CDH13: variants seen among roughly 807,000 people sequenced by gnomAD.
The protein encoded by CDH13 is cadherin-13.
In CDH13, 24 loss-of-function variants were observed where a neutral mutation model predicts 63.8. The observed-to-expected ratio is 0.38, with a 90% CI of 0.27 to 0.53. The LOEUF (loss-of-function observed/expected upper bound fraction) is 0.53. Ranked by LOEUF, CDH13 falls within the 20% of genes least tolerant of loss-of-function variation. The probability of loss-of-function intolerance (pLI) is 0.85; values close to 1 mark genes in which losing one functional copy is unlikely to be tolerated. For missense variants in CDH13, 1,049 were observed against 903.1 expected (o/e 1.16, Z -2.07); for synonymous variants, 503 against 355.3 (o/e 1.42, Z -4.67).
At chr16:83,410,447 C>G (rs1280109128) in intron 6 of CDH13, among the ~76,000 whole-genome samples, 1 of 152,126 alleles carries the variant, frequency 6.6e-6, no homozygotes, top group Non-Finnish European at 1.5e-5. Flanking sequence ...TGACCACAAT[C>G]TATAGATCAA....
chr16:82,868,950 C>A (rs1457982239), intron 2 of CDH13, among the ~76,000 whole-genome samples: 4 of 152,154 alleles, frequency 2.6e-5, no homozygotes, highest in African/African-American at 9.7e-5. Context: ...GTTTTATTTT[C>A]TCATCTGGAA....
At chr16:83,764,396 T>A (rs569852294) in intron 11 of CDH13, among the ~76,000 whole-genome samples, 28 of 152,326 alleles carry the variant, frequency 1.8e-4, no homozygotes, top group Middle Eastern at 6.8e-3. Flanking sequence ...ATCAGGCAAA[T>A]CAACTATCTT....
Position 82,673,833 on chromosome 16 carries a change from A to T in CDH13, c.45+46696A>T, listed in dbSNP as rs375710772. ...AGCTCATCCATGTGGAAGTGTTAGC[A>T]ACAGAGGCAACTGTATGGGCAGCAA... On this transcript the variant is annotated intron_variant, in intron 1 of 13. Coordinates refer to ENST00000567109, the MANE Select transcript of CDH13 (RefSeq NM_001257.5). Among the ~76,000 whole-genome samples the T allele has an allele frequency of 5.3e-5, 8 of 152,318 alleles. No homozygotes were observed. In the East Asian group the frequency reaches 1.3e-3, roughly 26 times the overall value.
chr16:83,199,038 G>C (rs901783656), intron 4 of CDH13, among the ~76,000 whole-genome samples: 1 of 152,216 alleles, frequency 6.6e-6, no homozygotes, highest in East Asian at 1.9e-4. Flanking sequence ...TGGGAGAAAA[G>C]ACGAGGCAGG....
At chr16:83,222,138 C>T (rs1412897781) in intron 5 of CDH13, among the ~76,000 whole-genome samples, 1 of 152,158 alleles carries the variant, frequency 6.6e-6, no homozygotes, top group Non-Finnish European at 1.5e-5. Flanking sequence ...ACTGGAACCA[C>T]CTGTGTTCCT....
chr16:83,207,120 T>C (rs1043557491), intron 4 of CDH13, among the ~76,000 whole-genome samples: 2 of 152,222 alleles, frequency 1.3e-5, no homozygotes, highest in East Asian at 1.9e-4. Context: ...TTAATTGTGG[T>C]AAAATGTACA....
At chr16:83,324,203 AT>A (rs1187199543) in intron 5 of CDH13, among the ~76,000 whole-genome samples, 1 of 151,794 alleles carries the variant, frequency 6.6e-6, no homozygotes, top group Non-Finnish European at 1.5e-5. Flanking sequence ...TGCCCAACTA[AT>A]TTTTGTGTTT....
intron 7 of CDH13, among the ~76,000 whole-genome samples, chr16:83,593,450 T>C (rs1218547238): frequency 6.6e-6 from 1 of 152,100 alleles, no homozygotes; most frequent in Non-Finnish European, 1.5e-5. Context: ...TCTGGGTAGC[T>C]TGAAATCAGC....
chr16:83,489,657 C>G (rs1366547878), intron 7 of CDH13, among the ~76,000 whole-genome samples: 1 of 152,182 alleles, frequency 6.6e-6, no homozygotes, highest in Non-Finnish European at 1.5e-5. Flanking sequence ...TGAGACTTGG[C>G]ACTTTTTGTA....
intron 5 of CDH13, among the ~76,000 whole-genome samples, chr16:83,245,670 GC>G (rs1904919307): frequency 6.6e-6 from 1 of 152,232 alleles, no homozygotes; most frequent in African/African-American, 2.4e-5. Flanking sequence ...TAGAGCTTAA[GC>G]TTTGAAAAGT....
chr16:82,715,400 C>T (rs905678494), intron 1 of CDH13, among the ~76,000 whole-genome samples: 1 of 152,142 alleles, frequency 6.6e-6, no homozygotes, highest in African/African-American at 2.4e-5. Flanking sequence ...GCTCTGGTTT[C>T]TGCTTGCACC....
intron 1 of CDH13, among the ~76,000 whole-genome samples, chr16:82,843,582 A>T (rs1409637948): frequency 6.6e-6 from 1 of 152,222 alleles, no homozygotes; most frequent in Non-Finnish European, 1.5e-5. Context: ...AGAAAAAAAA[A>T]GCTTAACAAG....
At chr16:83,545,146 A>C (rs77162570) in intron 7 of CDH13, among the ~76,000 whole-genome samples, 1 of 152,210 alleles carries the variant, frequency 6.6e-6, no homozygotes, top group African/African-American at 2.4e-5. Flanking sequence ...TTAGTCCTTC[A>C]GCTCCTTAGC....
intron 4 of CDH13, among the ~76,000 whole-genome samples, chr16:83,168,723 C>G (rs1452760268): frequency 1.3e-5 from 2 of 152,076 alleles, no homozygotes; most frequent in African/African-American, 4.8e-5. Context: ...ATATTCACAT[C>G]TATATCTATA....
intron 1 of CDH13, among the ~76,000 whole-genome samples, chr16:82,767,931 A>C (rs1442494835): frequency 6.6e-6 from 1 of 152,184 alleles, no homozygotes; most frequent in Non-Finnish European, 1.5e-5. Context: ...AAAGGAGTGG[A>C]TCTAGAGTGA....
Position 83,167,540 on chromosome 16 carries a change from G to T in CDH13, c.483+42039G>T, listed in dbSNP as rs147593476. ...AAAAAAAGCATTACAAGTTGGAGTA[G>T]CCTGGGCTCCCGTGTTGGCTTTATT... On this transcript the variant is annotated intron_variant, in intron 4 of 13. Coordinates refer to ENST00000567109, the MANE Select transcript of CDH13 (RefSeq NM_001257.5). Among the ~76,000 whole-genome samples the T allele has an allele frequency of 2.2e-4, 32 of 145,178 alleles. 1 individual carries two copies. In the East Asian group the frequency reaches 5.1e-3, roughly 23 times the overall value.
At chr16:83,245,665 C>G (rs188522272) in intron 5 of CDH13, among the ~76,000 whole-genome samples, 204 of 152,292 alleles carry the variant, frequency 1.3e-3, no homozygotes, top group Admixed American at 3.2e-3. Flanking sequence ...AAGGTTAGAG[C>G]TTAAGCTTTG....
At chr16:83,122,675 T>C in intron 3 of CDH13, among the ~76,000 whole-genome samples, 1 of 152,302 alleles carries the variant, frequency 6.6e-6, no homozygotes, top group South Asian at 2.1e-4. Context: ...GAGAGTTGCT[T>C]TTTATTTTTT....
intron 7 of CDH13, among the ~76,000 whole-genome samples, chr16:83,490,834 C>T (rs371693639): frequency 4.6e-5 from 7 of 152,202 alleles, no homozygotes; most frequent in African/African-American, 9.6e-5. Flanking sequence ...AAGACATGTG[C>T]GTTTTCCATT....
Sources: gnomAD v4.1 joint callset for allele counts (sites outside exome capture counted in the v4.1 genomes callset) on GRCh38, gnomAD v4.1.1 for gene constraint, MANE v1.5 for transcripts, NCBI Gene and HGNC (gene_info 2026-07-23, HGNC 2026-07-21) for gene names.